Variants in TTC34 observed in about 807,000 individuals in gnomAD.
TTC34 encodes tetratricopeptide repeat domain 34, also known as tetratricopeptide repeat protein 34.
TTC34 carries 44 observed loss-of-function variants against 40.7 expected under a neutral mutation model. The observed-to-expected ratio is 1.08, with a 90% CI of 0.85 to 1.39. The LOEUF (loss-of-function observed/expected upper bound fraction) is 1.39. TTC34 is among the 40% of genes most tolerant of loss of function. TTC34 has a pLI of 0.00. For missense variants in TTC34, 884 were observed against 838.0 expected (o/e 1.05, Z -0.68); for synonymous variants, 422 against 398.6 (o/e 1.06, Z -0.70).
intron 6 of TTC34, among the ~76,000 whole-genome samples, chr1:2,683,195 AGGCGAGCAT>A: frequency 7.0e-6 from 1 of 143,706 alleles, no homozygotes; most frequent in Non-Finnish European, 1.5e-5. Flanking sequence ...CCACGGCCAC[AGGCGAGCAT>A]CTGAGAGCCT....
At chr1:2,758,260 GA>G (rs1641571873) in intron 6 of TTC34, among the ~76,000 whole-genome samples, 1 of 73,572 alleles carries the variant, frequency 1.4e-5, no homozygotes, top group African/African-American at 8.4e-5. Context: ...TGACACCCTG[GA>G]ACAGCACACA....
intron 6 of TTC34, among the ~76,000 whole-genome samples, chr1:2,778,279 G>A (rs776186837): frequency 3.3e-5 from 5 of 152,226 alleles, no homozygotes; most frequent in African/African-American, 7.2e-5. Flanking sequence ...TTTACCCAGC[G>A]AAGCATCAGG....
chr1:2,781,732 G>T (rs1643487059), intron 6 of TTC34, among the ~76,000 whole-genome samples: 1 of 152,104 alleles, frequency 6.6e-6, no homozygotes, highest in Admixed American at 6.6e-5. Context: ...TCATAAAAGG[G>T]TGCTGAATTT....
chr1:2,772,961 T>C (rs1417735441), intron 6 of TTC34, among the ~76,000 whole-genome samples: 1 of 119,442 alleles, frequency 8.4e-6, no homozygotes, highest in Non-Finnish European at 1.7e-5. Flanking sequence ...TCTGACAGCC[T>C]GGAGCAGCAT....
chr1:2,649,079 T>C (rs1307573268), intron 6 of TTC34, among the ~76,000 whole-genome samples: 14 of 97,612 alleles, frequency 1.4e-4, no homozygotes, highest in South Asian at 3.6e-4. Context: ...GAACGGCACC[T>C]TCCACCCCCA....
At chr1:2,649,290 C>A (rs1384739941) in intron 6 of TTC34, among the ~76,000 whole-genome samples, 1 of 152,060 alleles carries the variant, frequency 6.6e-6, no homozygotes, top group East Asian at 1.9e-4. Flanking sequence ...ACCCTCCACC[C>A]TTAGGTGATC....
intron 6 of TTC34, among the ~76,000 whole-genome samples, chr1:2,753,601 G>A (rs1392268605): frequency 6.1e-4 from 54 of 88,292 alleles, no homozygotes; most frequent in African/African-American, 3.5e-3. Flanking sequence ...CTGACATCGT[G>A]GAGCAGCACC....
At chr1:2,784,573 C>T (rs1643547423) in intron 5 of TTC34, among the ~76,000 whole-genome samples, 1 of 152,148 alleles carries the variant, frequency 6.6e-6, no homozygotes, top group Non-Finnish European at 1.5e-5. Context: ...CTGGTGTTAC[C>T]ACTTGACCAA....
At chr1:2,797,266 TA>T (rs1557694617) in intron 2 of TTC34, among the ~76,000 whole-genome samples, 1 of 152,004 alleles carries the variant, frequency 6.6e-6, no homozygotes, top group African/African-American at 2.4e-5. Context: ...CGGCAGCTAA[TA>T]CTGCCATCCT....
intron 1 of TTC34, 87 bp from the exon 2 acceptor site, chr1:2,800,955 C>T (rs1643766120): frequency 1.8e-5 from 7 of 397,772 alleles, no homozygotes; most frequent in Non-Finnish European, 2.7e-5. Context: ...AAGCCACCTC[C>T]ACCCCTTCCC....
At chr1:2,780,577 G>T (rs917536998) in intron 6 of TTC34, among the ~76,000 whole-genome samples, 1 of 152,148 alleles carries the variant, frequency 6.6e-6, no homozygotes, top group African/African-American at 2.4e-5. Flanking sequence ...CTATGGGAGG[G>T]TTCATTTCTG....
chr1:2,773,076 C>T (rs1351227703), intron 6 of TTC34, among the ~76,000 whole-genome samples: 1 of 104,604 alleles, frequency 9.6e-6, no homozygotes. Context: ...GAGCCTCTGA[C>T]AGCCTGGAGC....
chr1:2,783,756 G>A (rs932696121), exon 6 of TTC34: 2 of 1,521,778 alleles, frequency 1.3e-6, no homozygotes, highest in Non-Finnish European at 1.8e-6. Flanking sequence ...GGGCAAGGAG[G>A]GACTCACTTG....
chr1:2,800,299 G>A (rs1156276622), exon 2 of TTC34: 15 of 398,538 alleles, frequency 3.8e-5, no homozygotes, highest in Non-Finnish European at 5.3e-5. Flanking sequence ...TGGTGGGTGC[G>A]AATGAAAGCT....
intron 2 of TTC34, among the ~76,000 whole-genome samples, chr1:2,797,162 C>G (rs1643716387): frequency 6.6e-6 from 1 of 152,220 alleles, no homozygotes; most frequent in Non-Finnish European, 1.5e-5. Context: ...CTTGGCAGCC[C>G]CGTGTCTCAT....
At chr1:2,653,961 C>A (rs1487917143) in intron 6 of TTC34, among the ~76,000 whole-genome samples, 6 of 150,356 alleles carry the variant, frequency 4.0e-5, no homozygotes, top group African/African-American at 1.5e-4. Context: ...TCTGGAGCAG[C>A]ACCCACAACC....
chr1:2,685,166 T>C (rs28436923), intron 6 of TTC34, among the ~76,000 whole-genome samples: 14 of 126,282 alleles, frequency 1.1e-4, no homozygotes, highest in South Asian at 7.6e-4. Context: ...CAACCCCACG[T>C]GAGCATCTGA....
intron 6 of TTC34, among the ~76,000 whole-genome samples, chr1:2,649,961 A>T (rs1165395224): frequency 6.7e-6 from 1 of 149,266 alleles, no homozygotes. Context: ...CTGGAATGGC[A>T]CTCTGCATCC....
exon 9 of TTC34, chr1:2,637,022 G>T (rs1210207962): frequency 6.6e-6 from 1 of 152,194 alleles, no homozygotes. Context: ...TTGAGAGACG[G>T]AACAGCTCTC....
Sources: gnomAD v4.1 joint callset for allele counts (sites outside exome capture counted in the v4.1 genomes callset) on GRCh38, gnomAD v4.1.1 for gene constraint, MANE v1.5 for transcripts, NCBI Gene and HGNC (gene_info 2026-07-23, HGNC 2026-07-21) for gene names.